CDK5RAP2: variants seen among roughly 807,000 people sequenced by gnomAD.
CDK5RAP2 encodes CDK5 regulatory subunit-associated protein 2.
Under a neutral mutation model 232.9 loss-of-function variants are expected in CDK5RAP2, and 147 were observed. The observed-to-expected ratio is 0.63, with a 90% CI of 0.55 to 0.72. The LOEUF (loss-of-function observed/expected upper bound fraction) is 0.72. Among genes scored for constraint, CDK5RAP2 ranks in the 30% least tolerant of loss-of-function variants. The pLI is 0.00. For missense variants in CDK5RAP2, 2,195 were observed against 2,231.5 expected (o/e 0.98, Z 0.33); for synonymous variants, 833 against 833.7 (o/e 1.00, Z 0.01).
chr9:120,524,910 C>A, intron 11 of CDK5RAP2, 76 bp downstream of exon 11: 2 of 1,026,550 alleles, frequency 1.9e-6, no homozygotes, highest in Non-Finnish European at 3.1e-6. Context: ...CACCCAAGTT[C>A]TTTCAGCTGC....
chr9:120,492,739 G>A (rs1284601188), intron 12 of CDK5RAP2, among the ~76,000 whole-genome samples: 26 of 152,140 alleles, frequency 1.7e-4, no homozygotes, highest in Admixed American at 1.7e-3. Flanking sequence ...CATGTTATAA[G>A]TAATGATATT....
intron 13 of CDK5RAP2, among the ~76,000 whole-genome samples, chr9:120,487,781 T>A (rs1387342458): frequency 1.3e-5 from 2 of 152,204 alleles, no homozygotes; most frequent in Non-Finnish European, 2.9e-5. Flanking sequence ...AAACCTAGGT[T>A]CATCCTGCTC....
chr9:120,394,532 T>C lies in CDK5RAP2; in HGVS notation c.5558A>G (p.Glu1853Gly), dbSNP rs1348217459. ...MKLLQLSKRQ[E>G]KVIFDQLVVT... is the part of the protein sequence containing the mutation. ...CTCACATTGATCAAAGATGACTTTT[T>C]CCTGGCGCTTGCTCAGCTGCAAAAG... Residue 1853 changes from glutamate (E) to glycine (G), a missense_variant, in exon 36 of 38, where the codon GAA (glutamate) becomes GGA (glycine). By Grantham distance (98) the Glu-to-Gly change is moderately conservative (BLOSUM62 -2). Transcript: ENST00000349780. 1 of 1,614,204 alleles carries C rather than the reference T, an allele frequency of 6.2e-7. No homozygotes were observed. The highest frequency in any genetic ancestry group is 2.2e-5 in the East Asian group (1 of 44,884).
intron 37 of CDK5RAP2, 65 bp from the exon 38 acceptor site, chr9:120,389,357 G>A (rs890319893): frequency 8.5e-6 from 11 of 1,288,186 alleles, no homozygotes; most frequent in Admixed American, 5.6e-5. Flanking sequence ...GTAAGACCCC[G>A]ACAGAGGTGA....
intron 18 of CDK5RAP2, among the ~76,000 whole-genome samples, chr9:120,465,259 G>A (rs1182942045): frequency 6.6e-6 from 1 of 152,142 alleles, no homozygotes; most frequent in Non-Finnish European, 1.5e-5. Context: ...GGCTTTCTAT[G>A]CTCACCGTCC....
chr9:120,574,360 G>A (rs539641000), intron 1 of CDK5RAP2, among the ~76,000 whole-genome samples: 32 of 152,102 alleles, frequency 2.1e-4, no homozygotes, highest in Non-Finnish European at 2.1e-4. Context: ...TTAAGGCTGG[G>A]GCCTCAGGGA....
chr9:120,483,499 T>C (rs1588454187), intron 14 of CDK5RAP2, among the ~76,000 whole-genome samples: 1 of 152,226 alleles, frequency 6.6e-6, no homozygotes, highest in African/African-American at 2.4e-5. Flanking sequence ...AAGTCTTGCC[T>C]GGCATTTGTG....
In CDK5RAP2 at chr9:120,524,998, G is replaced by A. The variant is rs755088268; in HGVS notation, c.1080C>T (p.Thr360=). 6.2e-7 allele frequency: 1 copy of A among 1,613,498 alleles called. No individual in the cohort carries two copies. The highest frequency in any genetic ancestry group is 1.7e-5 in the Admixed American group (1 of 60,016). The change falls in exon 11 of 38, where the codon ACC becomes ACT. Residue 360 remains threonine, a synonymous_variant. Transcript: ENST00000349780. ...KAREALQKAQ[T]QEFQGSEDYE... is the part of the protein sequence containing the mutation. ...AGTGTACACTTACCTGAAATTCCTG[G>A]GTCTGTGCTTTCTGTAGGGCCTCTC...
rs766944408 is a variant in CDK5RAP2 at position 120,419,777 on chromosome 9, G to T, written c.4177+11C>A. The T allele has an allele frequency of 2.5e-6, 4 of 1,605,580 alleles. No homozygotes were observed. Among genetic ancestry groups the T allele is most frequent in the Admixed American group, 1.7e-5 (1 of 59,994 alleles). ...GGCCATGTTTAAAACACTTAATGAG[G>T]CTTAGCTTACCTTGAGAAAAACTGT... On this transcript the variant is annotated intron_variant, in intron 27 of 37. Transcript: ENST00000349780.
At chr9:120,407,717 A>G (rs1043710833) in intron 31 of CDK5RAP2, 1 of 163,004 alleles carries the variant, frequency 6.1e-6, no homozygotes, top group Admixed American at 5.8e-5. Flanking sequence ...AAAATAAAAA[A>G]AAAAAAAAAA....
At position 120,514,795 on chromosome 9, in the gene CDK5RAP2, T is replaced by C. The variant is rs1304804071; in HGVS notation, c.1311+3632A>G. Among the ~76,000 whole-genome samples the C allele has an allele frequency of 2.0e-4, 31 of 152,160 alleles. 1 individual carries two copies. The highest frequency in any genetic ancestry group is 2.0e-3 in the Admixed American group (31 of 15,280). On this transcript the variant is annotated intron_variant, in intron 12 of 37. Transcript: ENST00000349780. ...TGCCATCATAGTCCCCTTCCACTCC[T>C]TCCCAAATACCTCCATATGAAGACG... is the stretch of plus-strand genomic sequence containing the variant.
intron 15 of CDK5RAP2, among the ~76,000 whole-genome samples, chr9:120,475,733 T>TG (rs2037971814): frequency 6.6e-6 from 1 of 152,140 alleles, no homozygotes; most frequent in African/African-American, 2.4e-5. Context: ...TCATTTCCTA[T>TG]GAAAAAATCT....
chr9:120,448,386 TC>T (rs1272461673), intron 21 of CDK5RAP2, among the ~76,000 whole-genome samples: 1 of 152,150 alleles, frequency 6.6e-6, no homozygotes, highest in Admixed American at 6.5e-5. Flanking sequence ...ATCCAGACAC[TC>T]CATAAATGGC....
At chr9:120,468,937 T>C (rs1333512994) in intron 17 of CDK5RAP2, among the ~76,000 whole-genome samples, 1 of 152,106 alleles carries the variant, frequency 6.6e-6, no homozygotes, top group African/African-American at 2.4e-5. Context: ...TATATCAAAA[T>C]ATGAAAAAAA....
intron 17 of CDK5RAP2, 139 bp downstream of exon 17, chr9:120,469,972 G>C (rs958469108): frequency 1.7e-6 from 1 of 603,936 alleles, no homozygotes; most frequent in Non-Finnish European, 3.0e-6. Context: ...GACACAGGAG[G>C]GGCACACACA....
At chr9:120,469,846 A>G (rs2037593490) in intron 17 of CDK5RAP2, among the ~76,000 whole-genome samples, 1 of 152,218 alleles carries the variant, frequency 6.6e-6, no homozygotes, top group African/African-American at 2.4e-5. Context: ...CCTGACGGAA[A>G]AGTGGCTAAC....
chr9:120,420,387 G>A (rs1479640530), intron 26 of CDK5RAP2, among the ~76,000 whole-genome samples: 1 of 152,146 alleles, frequency 6.6e-6, no homozygotes, highest in African/African-American at 2.4e-5. Flanking sequence ...CTCACGGCTT[G>A]GTCAGAGGCA....
intron 25 of CDK5RAP2, among the ~76,000 whole-genome samples, chr9:120,435,005 T>G (rs565874966): frequency 3.4e-4 from 52 of 152,336 alleles, no homozygotes; most frequent in East Asian, 2.5e-3. Context: ...GGAATCATGC[T>G]AATGTTATAC....
Position 120,453,841 on chromosome 9 carries a change from A to G in CDK5RAP2, c.2408T>C (p.Leu803Pro). Residue 803 changes from leucine (L) to proline (P), a missense_variant, in exon 21 of 38, where the codon CTT becomes CCT. Coordinates refer to ENST00000349780, the MANE Select transcript of CDK5RAP2 (RefSeq NM_018249.6). ...PDLLKVVREL[L>P]LGQLFLTEQE... Reference sequence around the variant, plus strand: ...CTCTGTCAAGAATAGTTGTCCCAGAAGCAGTTCCCGTACCACTTTCAGAAG... The same window carrying G: ...CTCTGTCAAGAATAGTTGTCCCAGAGGCAGTTCCCGTACCACTTTCAGAAG... 1 of 1,614,242 alleles carries G rather than the reference A, an allele frequency of 6.2e-7. No individual in the cohort carries two copies. Among genetic ancestry groups the G allele is most frequent in the Non-Finnish European group, 8.5e-7 (1 of 1,180,032 alleles).
Sources: gnomAD v4.1 joint callset for allele counts (sites outside exome capture counted in the v4.1 genomes callset) on GRCh38, gnomAD v4.1.1 for gene constraint, MANE v1.5 for transcripts, NCBI Gene and HGNC (gene_info 2026-07-23, HGNC 2026-07-21) for gene names.